GFPT1: variants seen among roughly 807,000 people sequenced by gnomAD.
GFPT1 encodes the protein glutamine--fructose-6-phosphate aminotransferase [isomerizing] 1.
Under a neutral mutation model 92.0 loss-of-function variants are expected in GFPT1, and 40 were observed. The observed-to-expected ratio is 0.43, with a 90% confidence interval of 0.34 to 0.57. The LOEUF is 0.57. Ranked by LOEUF, GFPT1 falls within the 20% of genes least tolerant of loss-of-function variation. GFPT1 has a pLI of 0.02. For synonymous variants in GFPT1, 269 were observed against 280.6 expected (o/e 0.96, Z 0.41); for missense variants, 448 against 869.1 (o/e 0.52, Z 6.09).
chr2:69,376,523 GA>G (rs11464823), intron 1 of GFPT1, among the ~76,000 whole-genome samples: 85 of 144,892 alleles, frequency 5.9e-4, no homozygotes, highest in South Asian at 2.6e-3. Flanking sequence ...CATCTCAAAA[GA>G]AAAAAAAAAA....
At chr2:69,340,481 T>C (rs1056553966) in intron 13 of GFPT1, among the ~76,000 whole-genome samples, 1 of 152,202 alleles carries the variant, frequency 6.6e-6, no homozygotes, top group Non-Finnish European at 1.5e-5. Flanking sequence ...CATTTATGCC[T>C]AGTGTTCCAT....
chr2:69,373,582 A>G (rs972474099), intron 2 of GFPT1, among the ~76,000 whole-genome samples: 9 of 152,128 alleles, frequency 5.9e-5, no homozygotes, highest in African/African-American at 2.2e-4. Flanking sequence ...CCGCACCACT[A>G]CACTCCAGCT....
In GFPT1 at chr2:69,319,913, T is replaced by TA. The variant is rs1670368405; in HGVS notation, c.*6275dup. ...GAAAAAACCAAAAGCCCCCATAAAT[T>TA]AGAGTGGCTAGACACATTCAAGTCT... is the stretch of plus-strand genomic sequence containing the variant. On this transcript the variant is annotated 3_prime_UTR_variant, in exon 20 of 20. Coordinates refer to ENST00000357308, the MANE Select transcript of GFPT1 (RefSeq NM_001244710.2). 6.6e-6 allele frequency: 1 copy of TA among 152,128 alleles called. No individual in the cohort carries two copies. The highest frequency in any genetic ancestry group is 2.1e-4 in the South Asian group (1 of 4,826). 9.4% of individuals were successfully genotyped at this position (152,128 alleles called of 1,614,324 possible).
rs886056254 is a variant in GFPT1 at position 69,325,500 on chromosome 2, T to C, written c.*689A>G. On this transcript the variant is annotated 3_prime_UTR_variant, in exon 20 of 20. Transcript: ENST00000357308. ...GTCCAAAGCAGCTTGAATTTAAAGT[T>C]TGTGCTATAAAATTGTGCAAATATG... is the stretch of plus-strand genomic sequence containing the variant. The C allele has an allele frequency of 3.9e-5, 6 of 152,190 alleles. No individual in the cohort carries two copies. The highest frequency in any genetic ancestry group is 6.5e-5 in the Admixed American group (1 of 15,280). 9.4% of individuals were successfully genotyped at this position (152,190 alleles called of 1,614,324 possible). A position where few individuals can be genotyped will look rare whatever the true frequency, so the allele number is the denominator to read the frequency against.
intron 18 of GFPT1, 89 bp downstream of exon 18, chr2:69,328,182 C>A (rs186441387): frequency 3.1e-6 from 3 of 952,810 alleles, no homozygotes; most frequent in Admixed American, 3.4e-5. Context: ...TGAGTTAACA[C>A]GTGTAAACAT....
At chr2:69,352,875 G>A (rs1232180212) in intron 9 of GFPT1, among the ~76,000 whole-genome samples, 5 of 151,408 alleles carry the variant, frequency 3.3e-5, no homozygotes, top group Middle Eastern at 3.5e-3. Context: ...GCGAAACCCC[G>A]TCTCTACTAA....
chr2:69,376,603 G>A (rs7596845), intron 1 of GFPT1, among the ~76,000 whole-genome samples: 6,051 of 152,200 alleles, frequency 0.04, 353 homozygotes, highest in African/African-American at 0.12. Context: ...TCCACTAAAG[G>A]AGGATACAAT....
intron 1 of GFPT1, among the ~76,000 whole-genome samples, chr2:69,376,260 C>A (rs1671867361): frequency 6.6e-6 from 1 of 152,224 alleles, no homozygotes; most frequent in Non-Finnish European, 1.5e-5. Flanking sequence ...CCTGTAATCC[C>A]AACTTTGGGA....
chr2:69,376,943 C>T (rs1244836862), intron 1 of GFPT1, among the ~76,000 whole-genome samples: 2 of 152,044 alleles, frequency 1.3e-5, no homozygotes, highest in African/African-American at 2.4e-5. Context: ...GGCTGGGTGG[C>T]TCACGCCTGT....
At chr2:69,386,476 G>C (rs933540605) in intron 1 of GFPT1, among the ~76,000 whole-genome samples, 12 of 152,318 alleles carry the variant, frequency 7.9e-5, no homozygotes, top group African/African-American at 2.9e-4. Context: ...TCTTCCACCA[G>C]AGGATCAGGT....
intron 1 of GFPT1, among the ~76,000 whole-genome samples, chr2:69,382,709 G>A (rs1224480180): frequency 1.3e-5 from 2 of 151,856 alleles, no homozygotes; most frequent in East Asian, 3.8e-4. Context: ...AACTATTTCC[G>A]CCTCCATTCA....
intron 12 of GFPT1, 90 bp downstream of exon 12, chr2:69,345,814 G>C (rs1450802128): frequency 1.3e-6 from 1 of 784,870 alleles, no homozygotes. Context: ...TGTTCTACAA[G>C]GCTATTAAGG....
chr2:69,375,619 T>C (rs921476808), intron 1 of GFPT1, among the ~76,000 whole-genome samples: 4 of 152,308 alleles, frequency 2.6e-5, no homozygotes, highest in Admixed American at 6.5e-5. Flanking sequence ...AGAAATCCCA[T>C]ATTTCATTCA....
intron 1 of GFPT1, among the ~76,000 whole-genome samples, chr2:69,385,851 C>T (rs1258822297): frequency 6.6e-6 from 1 of 151,362 alleles, no homozygotes; most frequent in Admixed American, 6.6e-5. Flanking sequence ...TTTTAATCTA[C>T]TCTAAATTTA....
Position 69,322,755 on chromosome 2 carries a change from G to A in GFPT1, c.*3434C>T, listed in dbSNP as rs1267508005. ...TTGTTTTTCATCTTTGCATATTAAG[G>A]ACTGTTGTTAACAGATTTATGGGTC... is the stretch of plus-strand genomic sequence containing the variant. On this transcript the variant is annotated 3_prime_UTR_variant, in exon 20 of 20. Transcript: ENST00000357308. 6.6e-6 allele frequency: 1 copy of A among 152,214 alleles called. No individual in the cohort carries two copies. Among genetic ancestry groups the A allele is most frequent in the African/African-American group, 2.4e-5 (1 of 41,446 alleles). 9.4% of individuals were successfully genotyped at this position (152,214 alleles called of 1,614,324 possible). A position where few individuals can be genotyped will look rare whatever the true frequency, so the allele number is the denominator to read the frequency against.
In GFPT1 at chr2:69,353,823, CAAATGT is replaced by C. The variant is rs542338475; in HGVS notation, c.739+430_739+435del. 2.9e-3 allele frequency among the ~76,000 whole-genome samples: 446 copies of C among 152,216 alleles called. 3 individuals are homozygous for C. The highest frequency in any genetic ancestry group is 8.4e-3 in the African/African-American group (351 of 41,548). ...ATTCAAATAAAGCCAATCAAGATAG[CAAATGT>C]AAATCCAACAATATGTCATGTATAA... is the stretch of plus-strand genomic sequence containing the variant. On this transcript the variant is annotated intron_variant, in intron 9 of 19. Coordinates refer to ENST00000357308, the MANE Select transcript of GFPT1 (RefSeq NM_001244710.2).
intron 9 of GFPT1, among the ~76,000 whole-genome samples, chr2:69,353,554 A>G (rs13429805): frequency 0.67 from 101,128 of 151,812 alleles, 35,374 homozygotes; most frequent in African/African-American, 0.9. Context: ...TTAGCTGGGT[A>G]TGATGGCACA....
chr2:69,325,942 T>C lies in GFPT1; in HGVS notation c.*247A>G. ...AGCATTCTTTAAAGAAAATAATAGC[T>C]AGAATCTTTCTGATACAGATTCCAA... On this transcript the variant is annotated 3_prime_UTR_variant, in exon 20 of 20. Transcript: ENST00000357308. The C allele has an allele frequency of 2.3e-6, 1 of 436,932 alleles. No homozygotes were observed. 27.1% of individuals were successfully genotyped at this position (436,932 alleles called of 1,614,324 possible).
intron 4 of GFPT1, among the ~76,000 whole-genome samples, chr2:69,360,681 T>G (rs1388610292): frequency 2.0e-5 from 3 of 152,074 alleles, no homozygotes; most frequent in African/African-American, 4.8e-5. Context: ...TCCTCCCACT[T>G]CATCCTTCCA....
Sources: gnomAD v4.1 joint callset for allele counts (sites outside exome capture counted in the v4.1 genomes callset) on GRCh38, gnomAD v4.1.1 for gene constraint, MANE v1.5 for transcripts, NCBI Gene and HGNC (gene_info 2026-07-23, HGNC 2026-07-21) for gene names.